Variants in HPRT1 observed in about 807,000 individuals in gnomAD.
HPRT1 encodes hypoxanthine phosphoribosyltransferase 1, also known as hypoxanthine-guanine phosphoribosyltransferase.
Under a neutral mutation model 19.0 loss-of-function variants are expected in HPRT1, and 4 were observed. That is an observed-to-expected ratio of 0.21 (90% CI 0.10 to 0.48). HPRT1 has a LOEUF of 0.48. HPRT1 is among the 20% of genes least tolerant of loss of function. The pLI is 0.98. For missense variants in HPRT1, 65 were observed against 164.0 expected (o/e 0.40, Z 3.30); for synonymous variants, 53 against 54.9 (o/e 0.97, Z 0.15).
chrX:134,471,347 A>T (rs2077610025), intron 1 of HPRT1, among the ~76,000 whole-genome samples: 1 of 111,668 alleles, frequency 9.0e-6, no homozygotes, highest in African/African-American at 3.3e-5. Context: ...GTATTTATAA[A>T]GCTGTACTCA....
intron 1 of HPRT1, among the ~76,000 whole-genome samples, chrX:134,463,563 C>T (rs148495640): frequency 1.8e-5 from 2 of 111,405 alleles, no homozygotes; most frequent in African/African-American, 6.5e-5. Context: ...GTGAATTTAG[C>T]ACTGTGACCT....
intron 6 of HPRT1, among the ~76,000 whole-genome samples, chrX:134,497,024 C>A (rs147049292): frequency 1.7e-3 from 192 of 112,034 alleles, no homozygotes; most frequent in Middle Eastern, 9.1e-3. Context: ...GAATATTTTT[C>A]AACAGGCAGC....
At chrX:134,461,255 GT>G (rs1449780173) in intron 1 of HPRT1, among the ~76,000 whole-genome samples, 1 of 111,658 alleles carries the variant, frequency 9.0e-6, no homozygotes, top group East Asian at 2.8e-4. Flanking sequence ...GTTACCTGTT[GT>G]TTCTCCCACT....
At chrX:134,488,811 A>G (rs1183239889) in intron 4 of HPRT1, among the ~76,000 whole-genome samples, 1 of 111,955 alleles carries the variant, frequency 8.9e-6, no homozygotes, top group Non-Finnish European at 1.9e-5. Context: ...TACAAATGGG[A>G]AAAAAACATA....
chrX:134,497,684 C>T (rs1312194577), intron 6 of HPRT1, among the ~76,000 whole-genome samples: 2 of 110,698 alleles, frequency 1.8e-5, no homozygotes, highest in Non-Finnish European at 3.8e-5. Flanking sequence ...CGGTGGCTTA[C>T]GCCTGTAATT....
At chrX:134,465,066 G>T (rs1283162926) in intron 1 of HPRT1, among the ~76,000 whole-genome samples, 1 of 107,739 alleles carries the variant, frequency 9.3e-6, no homozygotes, top group Non-Finnish European at 1.9e-5. Context: ...AATTACAGGC[G>T]CCCGCCACCA....
At chrX:134,491,960 T>C (rs756628272) in intron 5 of HPRT1, among the ~76,000 whole-genome samples, 23 of 99,669 alleles carry the variant, frequency 2.3e-4, no homozygotes, top group South Asian at 1.3e-3. Flanking sequence ...TATATATATA[T>C]ACACACACAT....
At chrX:134,463,631 G>A (rs763429563) in intron 1 of HPRT1, among the ~76,000 whole-genome samples, 1 of 111,668 alleles carries the variant, frequency 9.0e-6, no homozygotes, top group Non-Finnish European at 1.9e-5. Flanking sequence ...TATTGCAAAA[G>A]GTAGGAAAAG....
chrX:134,493,567 T>C lies in HPRT1; in HGVS notation c.462T>C (p.Asn154=). 8.3e-7 allele frequency: 1 copy of C among 1,201,265 alleles called. No homozygotes were observed. Among genetic ancestry groups the C allele is most frequent in the Non-Finnish European group, 1.1e-6 (1 of 885,827 alleles). Reference sequence around the variant, plus strand: ...TGCTTTCCTTGGTCAGGCAGTATAATCCAAAGATGGTCAAGGTCGCAAGGT... The same window carrying C: ...TGCTTTCCTTGGTCAGGCAGTATAACCCAAAGATGGTCAAGGTCGCAAGGT... ...QTLLSLVRQY[N]PKMVKVASLL... is the part of the protein sequence containing the mutation. The change falls in exon 6 of 9, where the codon AAT becomes AAC. Residue 154 remains asparagine (N), a synonymous_variant. Coordinates refer to ENST00000298556, the MANE Select transcript of HPRT1 (RefSeq NM_000194.3).
intron 8 of HPRT1, 135 bp from the exon 9 acceptor site, chrX:134,499,895 C>G (rs1199409273): frequency 2.1e-6 from 1 of 483,492 alleles, no homozygotes; most frequent in Non-Finnish European, 3.7e-6. Flanking sequence ...AGTTACTGAT[C>G]TAAAATACAG....
rs757630214 is a variant in HPRT1 at position 134,493,525 on chromosome X, C to A, written c.420C>A (p.Gly140=). The A allele has an allele frequency of 1.2e-5, 14 of 1,204,238 alleles. No individual in the cohort carries two copies. In the South Asian group the frequency reaches 2.5e-4, roughly 21 times the overall value. ...TTTGAAAGGATATAATTGACACTGG[C>A]AAAACAATGCAGACTTTGCTTTCCT... ...VLIVEDIIDT[G]KTMQTLLSLV... Residue 140 remains glycine (G), a synonymous_variant, in exon 6 of 9, where the codon GGC becomes GGA. Coordinates refer to ENST00000298556, the MANE Select transcript of HPRT1 (RefSeq NM_000194.3).
chrX:134,475,822 G>T (rs1239637154), intron 3 of HPRT1, among the ~76,000 whole-genome samples: 3 of 111,327 alleles, frequency 2.7e-5, no homozygotes, highest in Non-Finnish European at 5.7e-5. Flanking sequence ...AAAGGGGACT[G>T]CAGGTATACT....
At chrX:134,463,276 T>C (rs1418129106) in intron 1 of HPRT1, among the ~76,000 whole-genome samples, 1 of 111,840 alleles carries the variant, frequency 8.9e-6, no homozygotes, top group Admixed American at 9.6e-5. Context: ...AGAAAAAGCT[T>C]TTAGATTTTT....
At chrX:134,489,596 A>C (rs1470615111) in intron 4 of HPRT1, among the ~76,000 whole-genome samples, 4 of 111,274 alleles carry the variant, frequency 3.6e-5, no homozygotes, top group Admixed American at 1.9e-4. Flanking sequence ...ATTAGATGGT[A>C]TTTTCTGTTA....
intron 2 of HPRT1, among the ~76,000 whole-genome samples, chrX:134,474,410 C>T (rs905831391): frequency 9.9e-4 from 95 of 95,870 alleles, no homozygotes; most frequent in Non-Finnish European, 1.4e-3. Flanking sequence ...TTTCTCTTCA[C>T]AATTTGTCTC....
rs750943330 is a variant in HPRT1 at position 134,486,447 on chromosome X, T to TG, written c.319-18_319-17insG. ...TGTGTAGATATATATATATATAGTT[T>TG]TTTTTTTTTTTAACTAGAATGACCA... On this transcript the variant is annotated splice_polypyrimidine_tract_variant and intron_variant, in intron 3 of 8. Transcript: ENST00000298556. 3 of 960,346 alleles carry TG rather than the reference T, an allele frequency of 3.1e-6. No individual in the cohort carries two copies. Among genetic ancestry groups the TG allele is most frequent in the Non-Finnish European group, 4.3e-6 (3 of 703,185 alleles). 79.1% of individuals were successfully genotyped at this position (960,346 alleles called of 1,213,427 possible). A position where few individuals can be genotyped will look rare whatever the true frequency, so the allele number is the denominator to read the frequency against.
At chrX:134,466,649 A>G (rs1436394983) in intron 1 of HPRT1, among the ~76,000 whole-genome samples, 4 of 112,060 alleles carry the variant, frequency 3.6e-5, no homozygotes, top group African/African-American at 1.3e-4. Flanking sequence ...TTGTTCTTTC[A>G]GAAGGTGTTG....
rs766820489 is a variant in HPRT1 at position 134,479,967 on chromosome X, C to G, written c.318+4603C>G. ...TTTTATTTTTTTACCAAAAAAACAA[C>G]AAAGCCTCAGGAGGAAAAGTTGATA... is the stretch of plus-strand genomic sequence containing the variant. On this transcript the variant is annotated intron_variant, in intron 3 of 8. Transcript: ENST00000298556. Among the ~76,000 whole-genome samples the G allele has an allele frequency of 7.3e-5, 8 of 109,852 alleles. No homozygotes were observed. In the South Asian group the frequency reaches 3.1e-3, roughly 42 times the overall value.
At chrX:134,478,337 G>A (rs778655728) in intron 3 of HPRT1, among the ~76,000 whole-genome samples, 14 of 111,350 alleles carry the variant, frequency 1.3e-4, no homozygotes, top group Non-Finnish European at 2.4e-4. Context: ...GAAAACATAC[G>A]GCTGGGTGCA....
Sources: gnomAD v4.1 joint callset for allele counts (sites outside exome capture counted in the v4.1 genomes callset) on GRCh38, gnomAD v4.1.1 for gene constraint, MANE v1.5 for transcripts, NCBI Gene and HGNC (gene_info 2026-07-23, HGNC 2026-07-21) for gene names.